ATP10B: variants seen among roughly 807,000 people sequenced by gnomAD.
ATP10B encodes phospholipid-transporting ATPase VB.
ATP10B carries 122 observed loss-of-function variants against 141.2 expected under a neutral mutation model. The observed-to-expected ratio is 0.86, with a 90% CI of 0.75 to 1.00. The LOEUF (loss-of-function observed/expected upper bound fraction) is 1.00, where lower values mean the gene tolerates loss of function less well. Among genes scored for constraint, ATP10B ranks in the 50% least tolerant of loss-of-function variants. The probability of loss-of-function intolerance (pLI) is 0.00; values close to 1 mark genes in which losing one functional copy is unlikely to be tolerated. For missense variants in ATP10B, 1,876 were observed against 1,825.3 expected (o/e 1.03, Z -0.51); for synonymous variants, 685 against 692.0 (o/e 0.99, Z 0.16).
intron 1 of ATP10B, among the ~76,000 whole-genome samples, chr5:160,841,330 A>T (rs991102148): frequency 2.6e-5 from 4 of 152,158 alleles, no homozygotes; most frequent in African/African-American, 9.7e-5. Flanking sequence ...CTTACATGTT[A>T]CCTTGTATAA....
At chr5:160,804,016 T>A (rs75960057) in intron 1 of ATP10B, among the ~76,000 whole-genome samples, 3,485 of 152,196 alleles carry the variant, frequency 0.023, 50 homozygotes, top group South Asian at 0.063. Context: ...CTGGAGTTAC[T>A]GTGCCCTGAT....
At chr5:160,888,814 C>T in the ATP10B span, among the ~76,000 whole-genome samples, 1 of 152,082 alleles carries the variant, frequency 6.6e-6, no homozygotes, top group Admixed American at 6.6e-5. Context: ...TAGAACACTG[C>T]CTAGATTGAA....
intron 9 of ATP10B, 123 bp from the exon 10 acceptor site, chr5:160,640,715 T>G (rs2127674800): frequency 7.6e-7 from 1 of 1,318,792 alleles, no homozygotes; most frequent in South Asian, 1.5e-5. Context: ...AACCTGAACT[T>G]GCCCCGCCTC....
At position 160,604,007 on chromosome 5, in the gene ATP10B, A is replaced by G; in HGVS notation, c.3195T>C (p.Ala1065=). The change falls in exon 20 of 26, where the codon GCT becomes GCC. Residue 1065 remains alanine (A), a synonymous_variant. Coordinates refer to ENST00000327245, the MANE Select transcript of ATP10B (RefSeq NM_025153.3). ...DGANDVSMIQ[A]ADIGIGISGQ... is the part of the protein sequence containing the mutation. ...CAGATATTCCAATTCCAATATCAGC[A>G]GCTTGAATCATGCTTACATCATTTG... 6.2e-7 allele frequency: 1 copy of G among 1,613,976 alleles called. No homozygotes were observed. Among genetic ancestry groups the G allele is most frequent in the Non-Finnish European group, 8.5e-7 (1 of 1,179,940 alleles).
chr5:160,840,167 A>G (rs893315364), intron 1 of ATP10B, among the ~76,000 whole-genome samples: 2 of 152,060 alleles, frequency 1.3e-5, no homozygotes, highest in African/African-American at 4.8e-5. Context: ...CATTATTTTA[A>G]TATCTGTTAA....
At position 160,632,146 on chromosome 5, in the gene ATP10B, C is replaced by T. The variant is rs1561670901; in HGVS notation, c.1603G>A (p.Ala535Thr). 2.5e-6 allele frequency: 4 copies of T among 1,613,564 alleles called. No individual in the cohort carries two copies. The African/African-American group carries it at 4.0e-5, about 16-fold the overall frequency. Residue 535 changes from alanine to threonine, a missense_variant, in exon 13 of 26, where the codon GCC becomes ACC. Physicochemically the swap from Ala to Thr is moderately conservative, Grantham distance 58 (BLOSUM62 0). Coordinates refer to ENST00000327245, the MANE Select transcript of ATP10B (RefSeq NM_025153.3). The part of the protein sequence containing the change: ...GHRESSQPPV[A>T]FSSSIEKDVT... ...GGACTTACTATGGAGCTGCTGAAGG[C>T]CACAGGAGGCTGTGAGCTTTCACGG...
At chr5:160,837,183 C>T (rs950068833) in intron 1 of ATP10B, among the ~76,000 whole-genome samples, 16 of 152,042 alleles carry the variant, frequency 1.1e-4, no homozygotes, top group African/African-American at 3.1e-4. Context: ...GTTTATGGTG[C>T]TTTTTTTCCC....
intron 24 of ATP10B, among the ~76,000 whole-genome samples, chr5:160,571,964 T>G (rs1682315178): frequency 6.6e-6 from 1 of 152,190 alleles, no homozygotes; most frequent in Admixed American, 6.5e-5. Flanking sequence ...AGTCACAGCC[T>G]TTGGGATCCT....
At chr5:160,870,025 A>C in the ATP10B span, among the ~76,000 whole-genome samples, 1 of 152,178 alleles carries the variant, frequency 6.6e-6, no homozygotes, top group African/African-American at 2.4e-5. Context: ...AGGTTAGCCA[A>C]CCAGGGCCTA....
chr5:160,632,586 C>A, intron 12 of ATP10B: 1 of 361,004 alleles, frequency 2.8e-6, no homozygotes, highest in Non-Finnish European at 5.0e-6. Context: ...TGACTTTGAG[C>A]TTTGACATAA....
At chr5:160,898,423 T>C in the ATP10B span, among the ~76,000 whole-genome samples, 1 of 152,094 alleles carries the variant, frequency 6.6e-6, no homozygotes, top group Non-Finnish European at 1.5e-5. Flanking sequence ...ATTAGAGAAA[T>C]GCAAATCAAA....
chr5:160,820,247 A>C (rs1474789231), intron 1 of ATP10B, among the ~76,000 whole-genome samples: 2 of 152,050 alleles, frequency 1.3e-5, no homozygotes, highest in African/African-American at 2.4e-5. Context: ...ACTAAGAGCA[A>C]CTATATATCA....
At chr5:160,700,767 G>A (rs898700131) in intron 3 of ATP10B, among the ~76,000 whole-genome samples, 1 of 152,052 alleles carries the variant, frequency 6.6e-6, no homozygotes, top group African/African-American at 2.4e-5. Flanking sequence ...AAGTAGGGAG[G>A]AATTTCAAGA....
At chr5:160,610,729 A>G (rs551297533) in intron 18 of ATP10B, among the ~76,000 whole-genome samples, 1 of 152,314 alleles carries the variant, frequency 6.6e-6, no homozygotes, top group East Asian at 1.9e-4. Context: ...ACTTCAATAT[A>G]GGTTGTTAAT....
intron 3 of ATP10B, among the ~76,000 whole-genome samples, chr5:160,715,113 C>A (rs1217626447): frequency 1.3e-5 from 2 of 148,304 alleles, no homozygotes; most frequent in Non-Finnish European, 3.0e-5. Context: ...CAGAGGCAGG[C>A]AGGCCTCCTT....
intron 18 of ATP10B, among the ~76,000 whole-genome samples, chr5:160,607,612 G>GA (rs1417767026): frequency 6.6e-6 from 1 of 152,000 alleles, no homozygotes; most frequent in African/African-American, 2.4e-5. Context: ...CTTCCTAACT[G>GA]AAAAAAATAC....
intron 2 of ATP10B, among the ~76,000 whole-genome samples, chr5:160,718,345 C>A (rs1765779313): frequency 6.6e-6 from 1 of 152,128 alleles, no homozygotes; most frequent in African/African-American, 2.4e-5. Context: ...TACAGCATGG[C>A]AGATTTGGGC....
chr5:160,763,688 C>A (rs939537855), intron 2 of ATP10B, among the ~76,000 whole-genome samples: 2 of 151,884 alleles, frequency 1.3e-5, no homozygotes, highest in African/African-American at 4.8e-5. Flanking sequence ...CCAAACCCAT[C>A]AGAATAGAAA....
intron 1 of ATP10B, among the ~76,000 whole-genome samples, chr5:160,849,256 T>C (rs1324674717): frequency 6.6e-6 from 1 of 152,146 alleles, no homozygotes; most frequent in African/African-American, 2.4e-5. Context: ...AAAGAAACAA[T>C]GTATTCTTGT....
Sources: allele counts gnomAD v4.1 joint callset (sites outside exome capture counted in the v4.1 genomes callset), GRCh38; gene constraint gnomAD v4.1.1; transcripts MANE v1.5; gene names NCBI Gene and HGNC (gene_info 2026-07-23, HGNC 2026-07-21).